Variants in SLC9C2 observed in about 807,000 individuals in gnomAD.
SLC9C2 encodes solute carrier family 9 member C2 (putative), also known as sodium/hydrogen exchanger 11.
Under a neutral mutation model 140.2 loss-of-function variants are expected in SLC9C2, and 75 were observed. The ratio of observed to expected loss-of-function variants is 0.53; its 90% confidence interval spans 0.44 to 0.65. The LOEUF is 0.65. SLC9C2 is among the 30% of genes least tolerant of loss of function. SLC9C2 has a pLI of 0.00. For synonymous variants in SLC9C2, 375 were observed against 420.9 expected (o/e 0.89, Z 1.34); for missense variants, 1,074 against 1,331.8 (o/e 0.81, Z 3.01).
rs1661550523 is a variant in SLC9C2, at chr1:173,531,131, GAA to G, written c.2164-1079_2164-1078del. Among the ~76,000 whole-genome samples the G allele has an allele frequency of 3.3e-5, 5 of 152,250 alleles. No homozygotes were observed. The South Asian group carries it at 1.0e-3, about 32-fold the overall frequency. On this transcript the variant is annotated intron_variant, in intron 17 of 27. Transcript: ENST00000367714. ...GAGCCACCTAACTTTACATAGTGGT[GAA>G]ATCTACCTCACAAGGCTATCCTATT...
Position 173,524,102 on chromosome 1 carries a change from CAAAT to C in SLC9C2, c.2515-12_2515-9del. On this transcript the variant is annotated splice_polypyrimidine_tract_variant and intron_variant, in intron 20 of 27. Transcript: ENST00000367714. ...TAATTTTTTAAGAAGTACCTAAAAA[CAAAT>C]AATCAAAATAATGGGGATCAGATCC... 1 of 1,600,192 alleles carries C rather than the reference CAAAT, an allele frequency of 6.2e-7. No individual in the cohort carries two copies. Among genetic ancestry groups the C allele is most frequent in the African/African-American group, 1.3e-5 (1 of 74,174 alleles).
chr1:173,581,816 A>G, intron 7 of SLC9C2, 31 bp downstream of exon 7: 1 of 1,483,628 alleles, frequency 6.7e-7, no homozygotes, highest in Admixed American at 2.1e-5. Context: ...TACTTTAAGG[A>G]CAGTAATTTT....
intron 15 of SLC9C2, among the ~76,000 whole-genome samples, chr1:173,535,461 C>A (rs936557065): frequency 2.6e-5 from 4 of 152,140 alleles, no homozygotes; most frequent in Non-Finnish European, 5.9e-5. Flanking sequence ...CAGAATCACA[C>A]AATAGAACAG....
In SLC9C2 at chr1:173,576,799, T is replaced by C. The variant is rs180906735; in HGVS notation, c.803-39A>G. On this transcript the variant is annotated intron_variant, in intron 7 of 27. Transcript: ENST00000367714. Reference sequence around the variant, plus strand: ...AAAAACAAATGAATCAAATGCAATGTATTCATATCTGCACACTGAGACACT... The same window carrying C: ...AAAAACAAATGAATCAAATGCAATGCATTCATATCTGCACACTGAGACACT... 7.3e-3 allele frequency: 8,905 copies of C among 1,216,092 alleles called. 57 individuals carry two copies. The highest frequency in any genetic ancestry group is 0.015 in the South Asian group (1,157 of 76,684). 75.3% of individuals were successfully genotyped at this position (1,216,092 alleles called of 1,614,324 possible).
At chr1:173,520,833 G>A (rs1032193404) in intron 22 of SLC9C2, among the ~76,000 whole-genome samples, 1 of 152,120 alleles carries the variant, frequency 6.6e-6, no homozygotes, top group African/African-American at 2.4e-5. Flanking sequence ...TGGGGCTCAC[G>A]CATGAAACCA....
At chr1:173,553,942 G>C (rs908057337) in intron 11 of SLC9C2, among the ~76,000 whole-genome samples, 1 of 152,140 alleles carries the variant, frequency 6.6e-6, no homozygotes, top group African/African-American at 2.4e-5. Context: ...ATAAGACTTT[G>C]CCTAATCTCA....
At chr1:173,591,651 C>T (rs1293615032) in intron 4 of SLC9C2, among the ~76,000 whole-genome samples, 2 of 152,022 alleles carry the variant, frequency 1.3e-5, no homozygotes, top group African/African-American at 4.8e-5. Flanking sequence ...TTTTCATATG[C>T]TCGTTGGCTG....
chr1:173,562,780 T>TA (rs1197961842), intron 9 of SLC9C2, among the ~76,000 whole-genome samples: 2 of 152,238 alleles, frequency 1.3e-5, no homozygotes, highest in Non-Finnish European at 2.9e-5. Context: ...ATAAGATTCT[T>TA]ACAGTTATTT....
At chr1:173,571,488 T>C (rs1439578326) in intron 9 of SLC9C2, 1 of 152,234 alleles carries the variant, frequency 6.6e-6, no homozygotes, top group African/African-American at 2.4e-5. Flanking sequence ...TGTCACTTTC[T>C]CATTGAGGCC....
At chr1:173,538,637 T>C (rs191113273) in intron 13 of SLC9C2, among the ~76,000 whole-genome samples, 2 of 152,176 alleles carry the variant, frequency 1.3e-5, no homozygotes, top group African/African-American at 2.4e-5. Flanking sequence ...AGAGTTTCTC[T>C]TGGAGGAGAT....
At chr1:173,564,709 C>A (rs1664343410) in intron 9 of SLC9C2, among the ~76,000 whole-genome samples, 1 of 146,484 alleles carries the variant, frequency 6.8e-6, no homozygotes, top group African/African-American at 2.5e-5. Flanking sequence ...GCGATCTCGG[C>A]TCACTGCAAG....
At chr1:173,502,663 G>A (rs1313236803) in intron 27 of SLC9C2, among the ~76,000 whole-genome samples, 1 of 152,082 alleles carries the variant, frequency 6.6e-6, no homozygotes, top group Non-Finnish European at 1.5e-5. Flanking sequence ...AAGATGTAGG[G>A]GCAAACATCT....
intron 24 of SLC9C2, among the ~76,000 whole-genome samples, chr1:173,507,881 C>T (rs544006480): frequency 2.6e-5 from 4 of 152,176 alleles, no homozygotes; most frequent in East Asian, 1.9e-4. Flanking sequence ...GGTTTTTTTA[C>T]GCCACCCAGT....
intron 5 of SLC9C2, among the ~76,000 whole-genome samples, chr1:173,586,386 T>A (rs564043669): frequency 6.6e-6 from 1 of 152,308 alleles, no homozygotes; most frequent in South Asian, 2.1e-4. Flanking sequence ...GGTAGTATAT[T>A]TCCACTAAAT....
In SLC9C2 at chr1:173,557,371, A is replaced by T. The variant is rs1663781878; in HGVS notation, c.1184T>A (p.Leu395His). 1.9e-6 allele frequency: 3 copies of T among 1,613,410 alleles called. No individual in the cohort carries two copies. Among genetic ancestry groups the T allele is most frequent in the Non-Finnish European group, 2.5e-6 (3 of 1,179,854 alleles). ...NLLWAPDVYN[L>H]AERKVEVPQM... Reference sequence around the variant, plus strand: ...TGGTACTTCCACTTTTCGTTCAGCGAGATTATAAACATCAGGAGCCCAGAG... The same window carrying T: ...TGGTACTTCCACTTTTCGTTCAGCGTGATTATAAACATCAGGAGCCCAGAG... The change falls in exon 10 of 28, where the codon CTC becomes CAC. Residue 395 changes from leucine to histidine, a missense_variant. Transcript: ENST00000367714.
At chr1:173,575,931 T>C (rs1464222787) in intron 8 of SLC9C2, among the ~76,000 whole-genome samples, 3 of 152,172 alleles carry the variant, frequency 2.0e-5, no homozygotes, top group African/African-American at 7.2e-5. Flanking sequence ...CTTCTATCAT[T>C]GGAATGTCAT....
intron 11 of SLC9C2, among the ~76,000 whole-genome samples, chr1:173,554,422 G>A (rs1663534028): frequency 6.6e-6 from 1 of 152,154 alleles, no homozygotes; most frequent in Non-Finnish European, 1.5e-5. Flanking sequence ...GCATGGAAGA[G>A]CAATCAAAGG....
chr1:173,509,432 G>A (rs555773708), intron 24 of SLC9C2, 136 bp downstream of exon 24: 3 of 701,658 alleles, frequency 4.3e-6, no homozygotes, highest in East Asian at 8.1e-5. Flanking sequence ...GCAACAGAGT[G>A]AGCCTCTGTC....
chr1:173,534,257 G>T (rs187067521), intron 16 of SLC9C2, among the ~76,000 whole-genome samples: 53 of 152,168 alleles, frequency 3.5e-4, no homozygotes, highest in African/African-American at 1.2e-3. Flanking sequence ...TGATCCTTGA[G>T]AATCTCTCTA....
Sources: allele counts gnomAD v4.1 joint callset (sites outside exome capture counted in the v4.1 genomes callset), GRCh38; gene constraint gnomAD v4.1.1; transcripts MANE v1.5; gene names NCBI Gene and HGNC (gene_info 2026-07-23, HGNC 2026-07-21).